ITGA1: variants seen among roughly 807,000 people sequenced by gnomAD.
The protein encoded by ITGA1 is integrin alpha-1.
A neutral mutation model predicts 145.9 loss-of-function variants in ITGA1; 85 were observed. That is an observed-to-expected ratio of 0.58 (90% CI 0.49 to 0.70). ITGA1 has a LOEUF of 0.70. Among genes scored for constraint, ITGA1 ranks in the 30% least tolerant of loss-of-function variants. ITGA1 has a pLI of 0.00. For synonymous variants in ITGA1, 520 were observed against 495.3 expected (o/e 1.05, Z -0.66); for missense variants, 1,351 against 1,418.7 (o/e 0.95, Z 0.77).
At chr5:52,931,979 A>G in intron 21 of ITGA1, 68 bp from the exon 22 acceptor site, 1 of 919,560 alleles carries the variant, frequency 1.1e-6, no homozygotes, top group Non-Finnish European at 1.7e-6. Flanking sequence ...TCTCTTTCAA[A>G]CACTTAGAAA....
chr5:52,942,353 A>G (rs1055391586), intron 26 of ITGA1, among the ~76,000 whole-genome samples: 2 of 152,142 alleles, frequency 1.3e-5, no homozygotes, highest in African/African-American at 4.8e-5. Flanking sequence ...TTAAATCTAT[A>G]CATTGCTTTG....
chr5:52,860,570 TA>T (rs1463349850), intron 2 of ITGA1, among the ~76,000 whole-genome samples: 107 of 152,054 alleles, frequency 7.0e-4, no homozygotes, highest in Non-Finnish European at 8.8e-5. Flanking sequence ...AAAAATAAAA[TA>T]AAAAAATAAA....
intron 11 of ITGA1, chr5:52,903,172 A>G (rs1750343539): frequency 6.6e-6 from 1 of 152,032 alleles, no homozygotes; most frequent in African/African-American, 2.4e-5. Flanking sequence ...TTTTTAAAGG[A>G]GGCCTTTTAT....
At chr5:52,813,268 T>G (rs1162709735) in intron 1 of ITGA1, among the ~76,000 whole-genome samples, 1 of 152,136 alleles carries the variant, frequency 6.6e-6, no homozygotes, top group Non-Finnish European at 1.5e-5. Flanking sequence ...TCAAGTAAAA[T>G]TAATATTAGC....
At chr5:52,814,111 A>G (rs1203887975) in intron 1 of ITGA1, among the ~76,000 whole-genome samples, 1 of 152,110 alleles carries the variant, frequency 6.6e-6, no homozygotes, top group Admixed American at 6.5e-5. Flanking sequence ...ACTTCTTTTT[A>G]GTCTCAGGAT....
intron 6 of ITGA1, among the ~76,000 whole-genome samples, chr5:52,878,516 G>C (rs1749903529): frequency 6.6e-6 from 1 of 152,180 alleles, no homozygotes; most frequent in Non-Finnish European, 1.5e-5. Context: ...TAAATGTAAA[G>C]TATTAACACA....
At chr5:52,940,418 T>C (rs1751037829) in intron 26 of ITGA1, among the ~76,000 whole-genome samples, 1 of 151,044 alleles carries the variant, frequency 6.6e-6, no homozygotes, top group Non-Finnish European at 1.5e-5. Context: ...TTTTCTTTTT[T>C]TTTTTTTTGA....
At chr5:52,872,352 C>G (rs1051149099) in intron 6 of ITGA1, among the ~76,000 whole-genome samples, 1 of 152,032 alleles carries the variant, frequency 6.6e-6, no homozygotes, top group Non-Finnish European at 1.5e-5. Context: ...CTCTCACTAG[C>G]CTCTAGTCTC....
intron 23 of ITGA1, among the ~76,000 whole-genome samples, chr5:52,937,197 C>T (rs2302960): frequency 0.064 from 9,779 of 152,158 alleles, 539 homozygotes; most frequent in Admixed American, 0.18. Context: ...CTGATACATA[C>T]GGCTACTGAC....
intron 1 of ITGA1, among the ~76,000 whole-genome samples, chr5:52,795,067 T>C (rs1748314876): frequency 6.6e-6 from 1 of 151,978 alleles, no homozygotes; most frequent in African/African-American, 2.4e-5. Flanking sequence ...AGTAACATTA[T>C]AAAACAGAAT....
intron 1 of ITGA1, among the ~76,000 whole-genome samples, chr5:52,813,950 G>T (rs539084693): frequency 6.6e-6 from 1 of 152,320 alleles, no homozygotes; most frequent in South Asian, 2.1e-4. Context: ...AGACTGTGCT[G>T]TTATTAGTAC....
rs373459478 is a variant in ITGA1 at position 52,831,719 on chromosome 5, T to G, written c.62-17646T>G. On this transcript the variant is annotated intron_variant, in intron 1 of 28. Coordinates refer to ENST00000282588, the MANE Select transcript of ITGA1 (RefSeq NM_181501.2). ...TCTTTGAGGGCAGAGACAATATATT[T>G]TTTTTACCTTTTAATCCCTTAAAGA... is the stretch of plus-strand genomic sequence containing the variant. 7.3e-5 allele frequency among the ~76,000 whole-genome samples: 11 copies of G among 151,714 alleles called. No homozygotes were observed. The South Asian group carries it at 1.5e-3, about 20-fold the overall frequency.
At chr5:52,884,899 ACGG>A (rs1750023495) in intron 7 of ITGA1, among the ~76,000 whole-genome samples, 1 of 152,152 alleles carries the variant, frequency 6.6e-6, no homozygotes, top group South Asian at 2.1e-4. Context: ...CCACAGATTA[ACGG>A]CTCAGTCCTT....
intron 9 of ITGA1, among the ~76,000 whole-genome samples, chr5:52,895,360 G>C (rs937812660): frequency 6.6e-6 from 1 of 152,080 alleles, no homozygotes; most frequent in Non-Finnish European, 1.5e-5. Flanking sequence ...TTTTTAAGTG[G>C]CTTTGGTCTC....
intron 1 of ITGA1, among the ~76,000 whole-genome samples, chr5:52,838,628 C>CTA (rs1749201513): frequency 6.6e-6 from 1 of 152,106 alleles, no homozygotes; most frequent in Admixed American, 6.5e-5. Context: ...AAATCTAATA[C>CTA]CTCTTTAAGT....
At position 52,788,266 on chromosome 5, in the gene ITGA1, T is replaced by C. The variant is rs1748163365; in HGVS notation, c.-88T>C. On this transcript the variant is annotated 5_prime_UTR_variant, in exon 1 of 29. Transcript: ENST00000282588. ...AGGACTGGGAACCGCGGCAGCGGGA[T>C]AAGTGGCCCAGCCAGAGAGCGCAGC... is the stretch of plus-strand genomic sequence containing the variant. 1.9e-6 allele frequency: 2 copies of C among 1,047,286 alleles called. No individual in the cohort carries two copies. Among genetic ancestry groups the C allele is most frequent in the African/African-American group, 3.4e-5 (2 of 59,042 alleles). 64.9% of individuals were successfully genotyped at this position (1,047,286 alleles called of 1,614,324 possible).
At chr5:52,818,362 G>A (rs1487054664) in intron 1 of ITGA1, among the ~76,000 whole-genome samples, 1 of 152,108 alleles carries the variant, frequency 6.6e-6, no homozygotes, top group Non-Finnish European at 1.5e-5. Context: ...AGGGTTTACT[G>A]TTTTTCTGTG....
chr5:52,800,925 G>A, intron 1 of ITGA1: 1 of 1,614,182 alleles, frequency 6.2e-7, no homozygotes, highest in Non-Finnish European at 8.5e-7. Flanking sequence ...ATTGCTCTCA[G>A]CATGACCGGG....
intron 6 of ITGA1, among the ~76,000 whole-genome samples, chr5:52,877,288 G>C (rs113463063): frequency 1.3e-5 from 2 of 152,060 alleles, no homozygotes; most frequent in Non-Finnish European, 2.9e-5. Context: ...AAGAGAGGGA[G>C]ATCAGCAGCA....
Sources: gnomAD v4.1 joint callset for allele counts (sites outside exome capture counted in the v4.1 genomes callset) on GRCh38, gnomAD v4.1.1 for gene constraint, MANE v1.5 for transcripts, NCBI Gene and HGNC (gene_info 2026-07-23, HGNC 2026-07-21) for gene names.